Variants in PDZD2 observed in about 807,000 individuals in gnomAD.
PDZD2 encodes the protein PDZ domain containing 2.
PDZD2 carries 90 observed loss-of-function variants against 220.7 expected under a neutral mutation model. That is an observed-to-expected ratio of 0.41 (90% CI 0.34 to 0.49). PDZD2 has a LOEUF of 0.49. PDZD2 is among the 20% of genes least tolerant of loss of function. PDZD2 has a pLI of 0.28. For missense variants in PDZD2, 3,174 were observed against 3,608.5 expected (o/e 0.88, Z 3.08); for synonymous variants, 1,375 against 1,450.5 (o/e 0.95, Z 1.18).
chr5:31,940,642 C>T (rs1312276485), intron 2 of PDZD2, among the ~76,000 whole-genome samples: 1 of 152,184 alleles, frequency 6.6e-6, no homozygotes, highest in African/African-American at 2.4e-5. Flanking sequence ...TAGCCTAAAG[C>T]CACATACACC....
intron 1 of PDZD2, chr5:31,693,046 T>C (rs1014414981): frequency 6.6e-6 from 1 of 152,034 alleles, no homozygotes; most frequent in Non-Finnish European, 1.5e-5. Flanking sequence ...AGGACCTTGG[T>C]GTGCAAAGTG....
chr5:31,853,923 C>G (rs1758209114), intron 2 of PDZD2, among the ~76,000 whole-genome samples: 1 of 152,166 alleles, frequency 6.6e-6, no homozygotes, highest in South Asian at 2.1e-4. Context: ...TCCTCTAGCT[C>G]AGGTCCCTGG....
intron 1 of PDZD2, among the ~76,000 whole-genome samples, chr5:31,709,517 G>C (rs1013766760): frequency 5.0e-4 from 76 of 151,366 alleles, no homozygotes; most frequent in Non-Finnish European, 1.0e-3. Context: ...GAGAGAAAAG[G>C]TGAGAGCTAG....
intron 1 of PDZD2, among the ~76,000 whole-genome samples, chr5:31,777,179 G>A (rs4593280): frequency 0.14 from 21,856 of 152,162 alleles, 2,292 homozygotes; most frequent in East Asian, 0.53. Context: ...GCACGGGCTC[G>A]GCAGGCCCGC....
chr5:31,932,805 TTC>T (rs1280743257), intron 2 of PDZD2, among the ~76,000 whole-genome samples: 1 of 152,130 alleles, frequency 6.6e-6, no homozygotes, highest in Non-Finnish European at 1.5e-5. Flanking sequence ...CCATTCTACT[TTC>T]TGTCTCTGTG....
rs142478593 is a variant in PDZD2 at position 31,645,765 on chromosome 5, A to G, written c.-361+6328A>G. Among the ~76,000 whole-genome samples the G allele has an allele frequency of 3.2e-4, 49 of 152,246 alleles. 1 individual carries two copies. Among genetic ancestry groups the G allele is most frequent in the African/African-American group, 1.1e-3 (46 of 41,546 alleles). On this transcript the variant is annotated intron_variant, in intron 1 of 24. Coordinates refer to ENST00000438447, the MANE Select transcript of PDZD2 (RefSeq NM_178140.4). ...ACAGCCATCATCCTGCTTGGCTAAA[A>G]ATAAAGGCAGCACTCATATAGTGTA...
At chr5:32,069,314 T>C (rs1050709726) in intron 14 of PDZD2, among the ~76,000 whole-genome samples, 4 of 150,666 alleles carry the variant, frequency 2.7e-5, no homozygotes, top group African/African-American at 7.3e-5. Flanking sequence ...GAGGCAGATA[T>C]CAGCTGTGTT....
chr5:32,012,859 T>TA (rs1753438549), intron 6 of PDZD2, among the ~76,000 whole-genome samples: 1 of 151,752 alleles, frequency 6.6e-6, no homozygotes, highest in Non-Finnish European at 1.5e-5. Flanking sequence ...TATTTAAACT[T>TA]ACAATTTAAA....
chr5:31,797,202 C>T (rs897757311), intron 1 of PDZD2, among the ~76,000 whole-genome samples: 1 of 149,094 alleles, frequency 6.7e-6, no homozygotes, highest in African/African-American at 2.5e-5. Flanking sequence ...CTCGGCCTCC[C>T]AAAGTGCTGG....
At position 32,108,253 on chromosome 5, in the gene PDZD2, T is replaced by TC. The variant is rs1744992387; in HGVS notation, c.*120dup. The TC allele has an allele frequency of 4.9e-6, 3 of 615,178 alleles. No homozygotes were observed. The highest frequency in any genetic ancestry group is 8.1e-6 in the Non-Finnish European group (3 of 370,004). The allele number at this position is 615,178 out of a possible 1,614,324, so 38.1% of individuals were successfully genotyped here. On this transcript the variant is annotated 3_prime_UTR_variant, in exon 25 of 25. Transcript: ENST00000438447. ...GGTACAGACACGGACTATAAAAATC[T>TC]CCAAGCTTGTGCTTACACATGAAGC...
At chr5:31,792,879 C>T (rs1753802497) in intron 1 of PDZD2, among the ~76,000 whole-genome samples, 1 of 151,996 alleles carries the variant, frequency 6.6e-6, no homozygotes, top group Non-Finnish European at 1.5e-5. Flanking sequence ...TTCTGTCTTG[C>T]CCAGGCTGGA....
intron 2 of PDZD2, among the ~76,000 whole-genome samples, chr5:31,850,841 T>G (rs950030610): frequency 2.6e-5 from 4 of 152,040 alleles, no homozygotes; most frequent in African/African-American, 9.7e-5. Flanking sequence ...TTTCGCCGTG[T>G]TAGCCAGGAT....
chr5:31,656,898 G>A (rs1369572976), intron 1 of PDZD2, among the ~76,000 whole-genome samples: 1 of 152,164 alleles, frequency 6.6e-6, no homozygotes, highest in Non-Finnish European at 1.5e-5. Context: ...TTCTATTGTA[G>A]TCTTATTATC....
chr5:31,735,045 T>C (rs1749766320), intron 1 of PDZD2, among the ~76,000 whole-genome samples: 1 of 152,188 alleles, frequency 6.6e-6, no homozygotes, highest in Non-Finnish European at 1.5e-5. Context: ...ATAAAGAGAT[T>C]CATTTCTCGG....
chr5:32,082,597 C>T (rs1742078649), intron 19 of PDZD2, among the ~76,000 whole-genome samples: 1 of 152,086 alleles, frequency 6.6e-6, no homozygotes, highest in African/African-American at 2.4e-5. Flanking sequence ...GGAACACAAT[C>T]TGGTACCTAA....
intron 2 of PDZD2, chr5:31,847,323 T>G (rs1757637108): frequency 1.4e-5 from 5 of 357,480 alleles, no homozygotes; most frequent in Non-Finnish European, 2.7e-5. Context: ...AGATACAAAA[T>G]GAAATTTAGA....
At chr5:31,788,909 C>G (rs1253331664) in intron 1 of PDZD2, among the ~76,000 whole-genome samples, 1 of 152,138 alleles carries the variant, frequency 6.6e-6, no homozygotes, top group Non-Finnish European at 1.5e-5. Context: ...GAGGCAGGAA[C>G]TCAGTAATAA....
chr5:32,088,414 T>G lies in PDZD2; in HGVS notation c.4966T>G (p.Tyr1656Asp). ...GAAGGCCGCCTGCTTGCCAGGCTCA[T>G]ACACTTCAGGCCCAGACTCTTCCCA... ...REKAACLPGS[Y>D]TSGPDSSQPS... The change falls in exon 20 of 25, where the codon TAC (tyrosine) becomes GAC (aspartate). Residue 1656 changes from tyrosine (Y) to aspartate (D), a missense_variant. By Grantham distance (160) the Tyr-to-Asp change is radical (BLOSUM62 -3). Around this residue, in one of 4 missense-constraint regions of PDZD2, gnomAD observed 1,861 missense variants for 2,001.0 expected, o/e 0.93. Transcript: ENST00000438447. This position sits in a 1 kb window ranked among gnomAD's most constrained non-coding sequence, Gnocchi z 4.6. 6.2e-7 allele frequency: 1 copy of G among 1,614,046 alleles called. No homozygotes were observed. The highest frequency in any genetic ancestry group is 8.5e-7 in the Non-Finnish European group (1 of 1,179,962).
At chr5:31,816,924 C>T (rs966183987) in intron 2 of PDZD2, among the ~76,000 whole-genome samples, 2 of 152,262 alleles carry the variant, frequency 1.3e-5, no homozygotes, top group Admixed American at 6.5e-5. Context: ...TGGCTCACGC[C>T]TGTAATCCCA....
Sources: gnomAD v4.1 joint callset for allele counts (sites outside exome capture counted in the v4.1 genomes callset) on GRCh38, gnomAD v4.1.1 for gene constraint, gnomAD v4.1.1 regional missense constraint, Gnocchi (gnomAD v3.1) non-coding constraint, MANE v1.5 for transcripts, NCBI Gene and HGNC (gene_info 2026-07-23, HGNC 2026-07-21) for gene names.